The following LZTFL1 variants were observed in gnomAD, a reference collection of about 807,000 sequenced individuals.
LZTFL1 encodes leucine zipper transcription factor-like protein 1.
Under a neutral mutation model 45.9 loss-of-function variants are expected in LZTFL1, and 25 were observed. The ratio of observed to expected loss-of-function variants is 0.54; its 90% CI spans 0.40 to 0.76. LZTFL1 has a LOEUF of 0.76. Among genes scored for constraint, LZTFL1 ranks in the 30% least tolerant of loss-of-function variants. The pLI, the probability that LZTFL1 is intolerant of heterozygous loss-of-function variation, is 0.00. For synonymous variants in LZTFL1, 93 were observed against 117.4 expected (o/e 0.79, Z 1.35); for missense variants, 277 against 331.1 (o/e 0.84, Z 1.27).
At chr3:45,913,171 C>T (rs1249511206) in exon 2 of LZTFL1, 2 of 1,534,634 alleles carry the variant, frequency 1.3e-6, no homozygotes, top group Admixed American at 3.9e-5. Flanking sequence ...TGACTTACAG[C>T]AAGAGCCTAG....
intron 2 of LZTFL1, among the ~76,000 whole-genome samples, chr3:45,903,499 AG>A (rs1702617432): frequency 6.6e-6 from 1 of 152,352 alleles, no homozygotes; most frequent in East Asian, 1.9e-4. Flanking sequence ...CTTGCTTTAG[AG>A]GAAGCATCTA....
At chr3:45,847,018 A>C (rs1232954812), upstream of LZTFL1, among the ~76,000 whole-genome samples, 3 of 152,162 alleles carry the variant, frequency 2.0e-5, no homozygotes, top group Non-Finnish European at 4.4e-5. Context: ...AGATTGTCTA[A>C]TGTCAATGTG....
At position 45,908,518 on chromosome 3, in the gene LZTFL1, G is replaced by C. The variant is rs139857108; in HGVS notation, c.-215+4602C>G. 1.8e-3 allele frequency among the ~76,000 whole-genome samples: 280 copies of C among 152,314 alleles called. 2 individuals carry two copies. Among genetic ancestry groups the C allele is most frequent in the African/African-American group, 6.4e-3 (265 of 41,578 alleles). On this transcript the variant is annotated intron_variant, in intron 2 of 4. Transcript: ENST00000472635. ...GGTTATCAGTACAGGAAGCTAGAGA[G>C]TGTGACAGGGGACTCTGATCTGCTC...
At chr3:45,853,124 C>T (rs1465495988) in intron 4 of LZTFL1, among the ~76,000 whole-genome samples, 2 of 152,158 alleles carry the variant, frequency 1.3e-5, no homozygotes, top group Admixed American at 1.3e-4. Context: ...TACCTGTGGT[C>T]GATTAATTGT....
chr3:45,906,940 C>T (rs1396436649), intron 2 of LZTFL1, among the ~76,000 whole-genome samples: 1 of 152,208 alleles, frequency 6.6e-6, no homozygotes, highest in Non-Finnish European at 1.5e-5. Flanking sequence ...ATTTCCTGGG[C>T]CTGGTACAAG....
chr3:45,882,560 G>T (rs1285186309), intron 2 of LZTFL1, among the ~76,000 whole-genome samples: 3 of 152,072 alleles, frequency 2.0e-5, no homozygotes, highest in Non-Finnish European at 2.9e-5. Context: ...AATTTTTTCT[G>T]TGCCAGAGAC....
At position 45,825,755 on chromosome 3, in the gene LZTFL1, T is replaced by C; in HGVS notation, c.*559A>G. 6.6e-6 allele frequency: 1 copy of C among 152,550 alleles called. No individual in the cohort carries two copies. The highest frequency in any genetic ancestry group is 3.4e-3 in the Middle Eastern group (1 of 294). 9.4% of individuals were successfully genotyped at this position (152,550 alleles called of 1,614,324 possible). A position where few individuals can be genotyped will look rare whatever the true frequency, so the allele number is the denominator to read the frequency against. On this transcript the variant is annotated 3_prime_UTR_variant, in exon 10 of 10. Coordinates refer to ENST00000296135, the MANE Select transcript of LZTFL1 (RefSeq NM_020347.4). ...CATGTTCACTGCTGTAAATTTTCCT[T>C]ATAATTGGTAAAAAGGCTACCCATA...
chr3:45,841,057 A>AT (rs906248452), intron 1 of LZTFL1, among the ~76,000 whole-genome samples: 1 of 152,132 alleles, frequency 6.6e-6, no homozygotes, highest in Non-Finnish European at 1.5e-5. Context: ...AGAGATACCA[A>AT]TTTTTTTGTG....
At chr3:45,854,112 T>C (rs1701349338) in intron 4 of LZTFL1, among the ~76,000 whole-genome samples, 2 of 152,222 alleles carry the variant, frequency 1.3e-5, no homozygotes, top group African/African-American at 4.8e-5. Context: ...TTTCTGTGGT[T>C]TCTTGCTGTC....
rs370107557 is a variant in LZTFL1 at position 45,900,804 on chromosome 3, T to C, written c.-215+12316A>G. 1.2e-6 allele frequency: 2 copies of C among 1,604,414 alleles called. No homozygotes were observed. Among genetic ancestry groups the C allele is most frequent in the Non-Finnish European group, 1.7e-6 (2 of 1,173,702 alleles). On this transcript the variant is annotated intron_variant, in intron 2 of 4. Coordinates refer to the LZTFL1 transcript ENST00000472635. This position sits in a 1 kb window ranked among gnomAD's most constrained non-coding sequence, Gnocchi z 4.7. ...TGACCTAATGCCATCTTGTGTCCCC[T>C]TGCAGAGCCCTATTCCTAACATGGC...
upstream of LZTFL1, among the ~76,000 whole-genome samples, chr3:45,846,871 TTTTG>T (rs1156755248): frequency 1.3e-5 from 2 of 152,126 alleles, no homozygotes; most frequent in African/African-American, 2.4e-5. Context: ...ACTTTTTCTT[TTTTG>T]TTTATCTAAA....
chr3:45,882,227 C>A (rs1701873969), intron 2 of LZTFL1, among the ~76,000 whole-genome samples: 1 of 152,220 alleles, frequency 6.6e-6, no homozygotes. Flanking sequence ...TCCCTTTCCT[C>A]ATGGATTAGT....
intron 2 of LZTFL1, among the ~76,000 whole-genome samples, chr3:45,883,108 C>G (rs1411863806): frequency 2.6e-5 from 4 of 152,264 alleles, no homozygotes; most frequent in African/African-American, 9.6e-5. Context: ...TGTGAGATAT[C>G]AGCATTTCCT....
chr3:45,840,724 GGGGGAA>G (rs760816191), intron 1 of LZTFL1, among the ~76,000 whole-genome samples: 20 of 152,172 alleles, frequency 1.3e-4, no homozygotes, highest in Non-Finnish European at 2.4e-4. Flanking sequence ...TGTGTGTTTA[GGGGGAA>G]GGGGATAGAA....
At chr3:45,876,607 C>T (rs1023161868) in intron 2 of LZTFL1, among the ~76,000 whole-genome samples, 1 of 152,088 alleles carries the variant, frequency 6.6e-6, no homozygotes, top group African/African-American at 2.4e-5. Flanking sequence ...GGCGCTGGCT[C>T]GACTCTTTCC....
chr3:45,833,515 T>A (rs927465475), intron 4 of LZTFL1, among the ~76,000 whole-genome samples: 1 of 152,182 alleles, frequency 6.6e-6, no homozygotes, highest in Non-Finnish European at 1.5e-5. Context: ...CCTTAGACTC[T>A]GTGAAAAACA....
At chr3:45,864,843 C>G (rs1701552497) in intron 2 of LZTFL1, among the ~76,000 whole-genome samples, 1 of 152,152 alleles carries the variant, frequency 6.6e-6, no homozygotes, top group African/African-American at 2.4e-5. Flanking sequence ...AATTTTCTAA[C>G]ATGATAAAAA....
chr3:45,906,374 CA>C (rs1399743437), intron 2 of LZTFL1, among the ~76,000 whole-genome samples: 2 of 152,186 alleles, frequency 1.3e-5, no homozygotes, highest in African/African-American at 4.8e-5. Flanking sequence ...AGCTGAGCCT[CA>C]GAGATACCAA....
At chr3:45,883,701 C>A in intron 2 of LZTFL1, 1 of 571,178 alleles carries the variant, frequency 1.8e-6, no homozygotes, top group Non-Finnish European at 3.3e-6. Context: ...AGAGCAAAGC[C>A]CAGAAAAGGC....
Sources: gnomAD v4.1 joint callset for allele counts (sites outside exome capture counted in the v4.1 genomes callset) on GRCh38, gnomAD v4.1.1 for gene constraint, Gnocchi (gnomAD v3.1) non-coding constraint, MANE v1.5 for transcripts, NCBI Gene and HGNC (gene_info 2026-07-23, HGNC 2026-07-21) for gene names.